Variants in STARD9 observed in about 807,000 individuals in gnomAD.
STARD9 encodes the protein stAR-related lipid transfer protein 9.
Under a neutral mutation model 399.8 loss-of-function variants are expected in STARD9, and 346 were observed. That is an observed-to-expected ratio of 0.87 (90% CI 0.79 to 0.95). The LOEUF is 0.95. Among genes scored for constraint, STARD9 ranks in the 40% least tolerant of loss-of-function variants. The pLI, the probability that STARD9 is intolerant of heterozygous loss-of-function variation, is 0.00. For missense variants in STARD9, 5,832 were observed against 5,667.5 expected (o/e 1.03, Z -0.93); for synonymous variants, 2,203 against 2,143.5 (o/e 1.03, Z -0.77).
Position 42,575,702 on chromosome 15 carries a change from G to GT in STARD9, c.-12dup, listed in dbSNP as rs1426407268. The GT allele has an allele frequency of 5.9e-6, 9 of 1,536,600 alleles. No individual in the cohort carries two copies. The highest frequency in any genetic ancestry group is 7.8e-6 in the Non-Finnish European group (9 of 1,146,788). ...CGCTGAGCTGACCCGCTGGACTTGG[G>GT]TTGTGGCAGACGGATGGCGAACGTG... On this transcript the variant is annotated 5_prime_UTR_variant, in exon 1 of 33. Transcript: ENST00000290607.
rs1023992168 is a variant in STARD9 at position 42,682,373 on chromosome 15, CA to C, written c.2336del (p.Gln779ArgfsTer47). 3.9e-6 allele frequency: 6 copies of C among 1,537,120 alleles called. No individual in the cohort carries two copies. Among genetic ancestry groups the C allele is most frequent in the Non-Finnish European group, 5.2e-6 (6 of 1,146,912 alleles). ...CCAGCTAGAGAGAATCATCAAAAAG[CA>C]GAGGCTGCTGGAGGCCCAGAAGAGA... The part of the protein sequence containing the change: ...SFQLERIIKK[Q>X]RLLEAQKRLE... On this transcript the variant is annotated frameshift_variant, in exon 22 of 33. Coordinates refer to ENST00000290607, the MANE Select transcript of STARD9 (RefSeq NM_020759.3). LOFTEE classifies it high-confidence loss of function.
intron 3 of STARD9, among the ~76,000 whole-genome samples, chr15:42,627,789 C>T (rs1013721949): frequency 4.6e-5 from 7 of 152,132 alleles, no homozygotes; most frequent in Non-Finnish European, 7.4e-5. Context: ...AGTAGTACTC[C>T]ATTTTGTATA....
intron 7 of STARD9, 102 bp downstream of exon 7, chr15:42,638,914 G>A (rs908563726): frequency 1.9e-5 from 12 of 619,694 alleles, no homozygotes; most frequent in Middle Eastern, 3.1e-4. Flanking sequence ...AACACTTATC[G>A]TGTGCCAGCT....
chr15:42,598,369 T>C (rs888668518), intron 3 of STARD9, among the ~76,000 whole-genome samples: 2 of 151,692 alleles, frequency 1.3e-5, no homozygotes, highest in Admixed American at 6.6e-5. Context: ...TATCATCCTT[T>C]CTCTGTGGTT....
At chr15:42,700,375 G>T (rs1235342239) in intron 26 of STARD9, among the ~76,000 whole-genome samples, 1 of 152,196 alleles carries the variant, frequency 6.6e-6, no homozygotes, top group Non-Finnish European at 1.5e-5. Context: ...CATAATGGCG[G>T]TATTAATTTA....
intron 3 of STARD9, among the ~76,000 whole-genome samples, chr15:42,624,448 A>G (rs150633440): frequency 1.4e-5 from 2 of 147,418 alleles, no homozygotes; most frequent in East Asian, 1.9e-4. Flanking sequence ...TATATTATCT[A>G]GAAATAAAAC....
chr15:42,583,543 G>A (rs2058216128), intron 2 of STARD9, 128 bp downstream of exon 2: 1 of 615,160 alleles, frequency 1.6e-6, no homozygotes, highest in Non-Finnish European at 2.8e-6. Flanking sequence ...AAGAGGAATA[G>A]GGGGAGGAGC....
intron 3 of STARD9, among the ~76,000 whole-genome samples, chr15:42,590,154 G>A (rs1268120666): frequency 6.6e-6 from 1 of 150,954 alleles, no homozygotes; most frequent in Non-Finnish European, 1.5e-5. Context: ...GTAGAAATGT[G>A]GTCTCACTGT....
chr15:42,694,228 T>C lies in STARD9; in HGVS notation c.12650T>C (p.Leu4217Pro). The C allele has an allele frequency of 6.5e-7, 1 of 1,535,284 alleles. No homozygotes were observed. Among genetic ancestry groups the C allele is most frequent in the African/African-American group, 1.4e-5 (1 of 73,126 alleles). ...AGCGTGGAACTCACAGAAGCGAAAC[T>C]GCACCATGGCTTTGGGGAGGCCGAT... ...SLSVELTEAK[L>P]HHGFGEADAL... The change falls in exon 23 of 33, where the codon CTG becomes CCG. Residue 4217 changes from leucine (L) to proline (P), a missense_variant. Leu to Pro is a moderately conservative substitution (Grantham distance 98, BLOSUM62 -3). Transcript: ENST00000290607.
At chr15:42,662,130 AAG>A (rs1353475500) in intron 10 of STARD9, among the ~76,000 whole-genome samples, 1 of 152,176 alleles carries the variant, frequency 6.6e-6, no homozygotes, top group Non-Finnish European at 1.5e-5. Context: ...CCTATCTCTA[AAG>A]AAAAAAAGTT....
At position 42,686,409 on chromosome 15, in the gene STARD9, G is replaced by C; in HGVS notation, c.4831G>C (p.Glu1611Gln). Residue 1611 changes from glutamate to glutamine, a missense_variant, in exon 23 of 33, where the codon GAG becomes CAG. Glu to Gln is a conservative substitution (Grantham distance 29, BLOSUM62 2). Coordinates refer to ENST00000290607, the MANE Select transcript of STARD9 (RefSeq NM_020759.3). ...RSTNAQVFAT[E>Q]NAIPDSMTEA... Reference sequence around the variant, plus strand: ...TACAAATGCACAGGTCTTTGCAACAGAGAACGCGATACCAGATTCCATGAC... The same window carrying C: ...TACAAATGCACAGGTCTTTGCAACACAGAACGCGATACCAGATTCCATGAC... 7.2e-6 allele frequency: 11 copies of C among 1,537,720 alleles called. No homozygotes were observed. Among genetic ancestry groups the C allele is most frequent in the Non-Finnish European group, 9.6e-6 (11 of 1,147,028 alleles).
Position 42,688,445 on chromosome 15 carries a change from A to C in STARD9, c.6867A>C (p.Glu2289Asp), listed in dbSNP as rs371846837. The C allele has an allele frequency of 6.5e-7, 1 of 1,537,784 alleles. No homozygotes were observed. Among genetic ancestry groups the C allele is most frequent in the East Asian group, 2.4e-5 (1 of 40,926 alleles). Reference protein sequence around the residue: ...PMQRGGSLQEENKVTQKFPSL... With the variant: ...PMQRGGSLQEDNKVTQKFPSL... ...AAAGGGGAGGCAGCCTTCAGGAAGA[A>C]AATAAAGTGACTCAGAAATTTCCTA... The change falls in exon 23 of 33, where the codon GAA (glutamate) becomes GAC (aspartate). Residue 2289 changes from glutamate (E) to aspartate (D), a missense_variant. Transcript: ENST00000290607.
At chr15:42,598,034 G>GTGTGTGTGTGTGTGTGTA (rs1180402685) in intron 3 of STARD9, among the ~76,000 whole-genome samples, 1 of 149,784 alleles carries the variant, frequency 6.7e-6, no homozygotes, top group Non-Finnish European at 1.5e-5. Context: ...GTGTGTGTGT[G>GTGTGTGTGTGTGTGTGTA]TGTGTGTATG....
At chr15:42,589,076 A>G (rs1274535648) in intron 3 of STARD9, among the ~76,000 whole-genome samples, 5 of 152,050 alleles carry the variant, frequency 3.3e-5, no homozygotes, top group Admixed American at 3.3e-4. Context: ...TGGCCTCCCA[A>G]AGTGCTGGGA....
At chr15:42,706,005 AG>A (rs2140357582) in intron 26 of STARD9, among the ~76,000 whole-genome samples, 1 of 152,210 alleles carries the variant, frequency 6.6e-6, no homozygotes, top group Non-Finnish European at 1.5e-5. Context: ...TGCCTACCTC[AG>A]CCTCCCAAAG....
At chr15:42,597,990 GTATA>G (rs777829762) in intron 3 of STARD9, among the ~76,000 whole-genome samples, 10 of 129,320 alleles carry the variant, frequency 7.7e-5, no homozygotes, top group East Asian at 2.3e-4. Flanking sequence ...GTGTGTGTTT[GTATA>G]TATATATGTG....
chr15:42,720,764 C>A lies in STARD9; in HGVS notation c.*1190C>A, dbSNP rs764563410. ...TGTAGTGTGGCAGAGATGTGTTTTT[C>A]TAAAGTGTTTGCAGGGCATTTTTCC... is the stretch of plus-strand genomic sequence containing the variant. On this transcript the variant is annotated 3_prime_UTR_variant, in exon 33 of 33. Coordinates refer to ENST00000290607, the MANE Select transcript of STARD9 (RefSeq NM_020759.3). 6.6e-6 allele frequency: 1 copy of A among 152,094 alleles called. No homozygotes were observed. The highest frequency in any genetic ancestry group is 2.4e-5 in the African/African-American group (1 of 41,426). 9.4% of individuals were successfully genotyped at this position (152,094 alleles called of 1,614,324 possible). A position where few individuals can be genotyped will look rare whatever the true frequency, so the allele number is the denominator to read the frequency against.
intron 21 of STARD9, among the ~76,000 whole-genome samples, 153 bp from the exon 22 acceptor site, chr15:42,681,951 C>T (rs1463946366): frequency 6.6e-6 from 1 of 152,050 alleles, no homozygotes; most frequent in African/African-American, 2.4e-5. Context: ...GGTAAGGGAG[C>T]CCTGTAGCCC....
At chr15:42,582,088 A>G (rs1039971955) in intron 1 of STARD9, among the ~76,000 whole-genome samples, 1 of 152,210 alleles carries the variant, frequency 6.6e-6, no homozygotes, top group African/African-American at 2.4e-5. Flanking sequence ...GCAGTGAGCT[A>G]TGATTGCACC....
Sources: allele counts gnomAD v4.1 joint callset (sites outside exome capture counted in the v4.1 genomes callset), GRCh38; gene constraint gnomAD v4.1.1; transcripts MANE v1.5; gene names NCBI Gene and HGNC (gene_info 2026-07-23, HGNC 2026-07-21).